The following SDHAF3 variants were observed in gnomAD, a reference collection of about 807,000 sequenced individuals.
The protein encoded by SDHAF3 is succinate dehydrogenase complex assembly factor 3.
A neutral mutation model predicts 11.5 loss-of-function variants in SDHAF3; 18 were observed. The observed-to-expected ratio is 1.56, with a 90% confidence interval of 1.08 to 2.32. The LOEUF is 2.32. Ranked by LOEUF, SDHAF3 falls within the 30% of genes most tolerant of loss-of-function variation. The pLI, the probability that SDHAF3 is intolerant of heterozygous loss-of-function variation, is 0.00. For synonymous variants in SDHAF3, 72 were observed against 59.3 expected (o/e 1.21, Z -0.99); for missense variants, 200 against 154.4 (o/e 1.30, Z -1.57).
intron 1 of SDHAF3, among the ~76,000 whole-genome samples, chr7:97,160,280 C>T (rs1008754649): frequency 3.5e-5 from 5 of 142,846 alleles, no homozygotes; most frequent in African/African-American, 7.9e-5. Context: ...AAGTGAGGAG[C>T]GCCTCTGCCC....
chr7:97,126,508 C>T (rs1265746229), intron 1 of SDHAF3, among the ~76,000 whole-genome samples: 1 of 152,126 alleles, frequency 6.6e-6, no homozygotes, highest in Non-Finnish European at 1.5e-5. Flanking sequence ...TTCAGAGATG[C>T]CCTGCCCAGT....
intron 1 of SDHAF3, among the ~76,000 whole-genome samples, chr7:97,144,607 G>A (rs1019163326): frequency 2.0e-5 from 3 of 152,002 alleles, no homozygotes; most frequent in East Asian, 3.9e-4. Context: ...TTGCTTTGTC[G>A]AAGATCAGTT....
intron 1 of SDHAF3, among the ~76,000 whole-genome samples, chr7:97,159,782 T>C (rs1200563381): frequency 6.6e-6 from 1 of 152,206 alleles, no homozygotes; most frequent in Non-Finnish European, 1.5e-5. Flanking sequence ...AGTTCTTTTT[T>C]TCTTGACTAA....
At chr7:97,157,905 A>T (rs1194520675) in intron 1 of SDHAF3, among the ~76,000 whole-genome samples, 1 of 147,826 alleles carries the variant, frequency 6.8e-6, no homozygotes, top group Non-Finnish European at 1.5e-5. Flanking sequence ...ATAGGTGGGA[A>T]TTGAACAATG....
intron 1 of SDHAF3, among the ~76,000 whole-genome samples, chr7:97,124,017 C>G (rs1429016015): frequency 6.6e-6 from 1 of 152,086 alleles, no homozygotes; most frequent in African/African-American, 2.4e-5. Flanking sequence ...TCTCATTTGT[C>G]AATTTTGGCT....
rs112045064 is a variant in SDHAF3, at chr7:97,129,899, C to T, written c.174+12002C>T. ...CAGCCATGGTGCACAGCCAGGTGTG[C>T]TGGCTGCTGTGGTGGGTCTGCGGTG... On this transcript the variant is annotated intron_variant, in intron 1 of 1. Coordinates refer to ENST00000432641, the MANE Select transcript of SDHAF3 (RefSeq NM_020186.3). Among the ~76,000 whole-genome samples the T allele has an allele frequency of 2.4e-3, 358 of 152,180 alleles. 2 individuals are homozygous for T. The highest frequency in any genetic ancestry group is 8.1e-3 in the African/African-American group (337 of 41,524).
intron 1 of SDHAF3, 138 bp downstream of exon 1, chr7:97,118,035 C>A: frequency 9.3e-7 from 1 of 1,073,356 alleles, no homozygotes; most frequent in Non-Finnish European, 1.3e-6. Context: ...GTTCAGGTAA[C>A]ACTTTCCAAA....
rs557819599 is a variant in SDHAF3, at chr7:97,142,481, G to A, written c.174+24584G>A. ...GCACTTTAATTCATGTCTTTATGTA[G>A]ATAATACTGTCAACCCATTAGGCAT... On this transcript the variant is annotated intron_variant, in intron 1 of 1. Coordinates refer to ENST00000432641, the MANE Select transcript of SDHAF3 (RefSeq NM_020186.3). Among the ~76,000 whole-genome samples the A allele has an allele frequency of 2.0e-5, 3 of 152,270 alleles. No individual in the cohort carries two copies. In the South Asian group the frequency reaches 6.2e-4, roughly 32 times the overall value.
At chr7:97,154,705 C>G (rs1051539343) in intron 1 of SDHAF3, among the ~76,000 whole-genome samples, 1 of 152,096 alleles carries the variant, frequency 6.6e-6, no homozygotes, top group Non-Finnish European at 1.5e-5. Context: ...TTACCTACTT[C>G]TAGGTCCTGA....
chr7:97,169,828 A>T (rs1226938230), intron 1 of SDHAF3, among the ~76,000 whole-genome samples: 2 of 152,140 alleles, frequency 1.3e-5, no homozygotes, highest in Non-Finnish European at 2.9e-5. Context: ...CTTAACTATT[A>T]CAATTTAGTT....
At chr7:97,138,731 C>T (rs1387540114) in intron 1 of SDHAF3, among the ~76,000 whole-genome samples, 1 of 152,184 alleles carries the variant, frequency 6.6e-6, no homozygotes, top group African/African-American at 2.4e-5. Context: ...AATAGTTGTC[C>T]AGTGCCTTAC....
intron 1 of SDHAF3, among the ~76,000 whole-genome samples, chr7:97,127,230 G>C (rs1206147250): frequency 3.3e-5 from 5 of 152,182 alleles, no homozygotes; most frequent in Non-Finnish European, 4.4e-5. Context: ...CTGCCAACCA[G>C]AGCTGTTCCT....
At chr7:97,169,296 G>A (rs1584232978) in intron 1 of SDHAF3, among the ~76,000 whole-genome samples, 2 of 146,828 alleles carry the variant, frequency 1.4e-5, no homozygotes, top group African/African-American at 4.9e-5. Flanking sequence ...GGCAACAAGA[G>A]CGAAACTGTC....
At chr7:97,165,376 T>TTA (rs1789486047) in intron 1 of SDHAF3, among the ~76,000 whole-genome samples, 1 of 150,796 alleles carries the variant, frequency 6.6e-6, no homozygotes, top group Non-Finnish European at 1.5e-5. Context: ...TTTTTTTTTT[T>TTA]TGCTTGTTTT....
chr7:97,137,730 G>A (rs886603249), intron 1 of SDHAF3, among the ~76,000 whole-genome samples: 41 of 152,300 alleles, frequency 2.7e-4, no homozygotes, highest in East Asian at 9.6e-4. Flanking sequence ...TTTTGGCAGC[G>A]TGACAGTGAT....
chr7:97,177,891 A>G (rs141751327), intron 1 of SDHAF3, among the ~76,000 whole-genome samples: 25 of 152,252 alleles, frequency 1.6e-4, no homozygotes, highest in Non-Finnish European at 3.2e-4. Context: ...TGCTTATTCT[A>G]ATGTCTGAAT....
chr7:97,142,915 T>TAAAAAAAAAAAAAAAAAA (rs1233117515), intron 1 of SDHAF3: 1 of 144,572 alleles, frequency 6.9e-6, no homozygotes, highest in East Asian at 2.0e-4. Context: ...TTTTTTTTTT[T>TAAAAAAAAAAAAAAAAAA]AGACAGAGTC....
At chr7:97,168,371 C>CAACA (rs1789546288) in intron 1 of SDHAF3, among the ~76,000 whole-genome samples, 1 of 152,160 alleles carries the variant, frequency 6.6e-6, no homozygotes, top group Non-Finnish European at 1.5e-5. Flanking sequence ...GTTAGTCCTA[C>CAACA]AACAGCAGTC....
Position 97,117,853 on chromosome 7 carries a change from A to G in SDHAF3, c.130A>G (p.Thr44Ala). 1 of 1,614,136 alleles carries G rather than the reference A, an allele frequency of 6.2e-7. No homozygotes were observed. Among genetic ancestry groups the G allele is most frequent in the African/African-American group, 1.3e-5 (1 of 75,044 alleles). ...GAAAGACGAATTTAGGAGACATAAG[A>G]CCGTTGGTTCTGACGAGGCACAGCG... The part of the protein sequence containing the change: ...YVKDEFRRHK[T>A]VGSDEAQRFL... The change falls in exon 1 of 2, where the codon ACC (threonine) becomes GCC (alanine). Residue 44 changes from threonine (T) to alanine (A), a missense_variant. Thr to Ala is a moderately conservative substitution (Grantham distance 58, BLOSUM62 0). Transcript: ENST00000432641.
Sources: allele counts gnomAD v4.1 joint callset (sites outside exome capture counted in the v4.1 genomes callset), GRCh38; gene constraint gnomAD v4.1.1; transcripts MANE v1.5; gene names NCBI Gene and HGNC (gene_info 2026-07-23, HGNC 2026-07-21).